Variants in C10orf53 observed in about 807,000 individuals in gnomAD.
The protein encoded by C10orf53 is UPF0728 protein C10orf53.
In C10orf53, 8 loss-of-function variants were observed where a neutral mutation model predicts 9.4. The observed-to-expected ratio is 0.85, with a 90% CI of 0.50 to 1.53. The LOEUF (loss-of-function observed/expected upper bound fraction) is 1.53. C10orf53 is among the 40% of genes most tolerant of loss of function. The pLI is 0.00. For missense variants in C10orf53, 117 were observed against 117.8 expected (o/e 0.99, Z 0.03); for synonymous variants, 48 against 46.0 (o/e 1.04, Z -0.18).
intron 1 of C10orf53, among the ~76,000 whole-genome samples, chr10:49,688,050 A>C (rs929723259): frequency 1.6e-4 from 25 of 152,204 alleles, no homozygotes; most frequent in African/African-American, 4.6e-4. Flanking sequence ...ACTTTAAATG[A>C]CATTTATATG....
chr10:49,703,662 T>C (rs1364680326), intron 2 of C10orf53, among the ~76,000 whole-genome samples: 3 of 152,176 alleles, frequency 2.0e-5, no homozygotes, highest in Non-Finnish European at 4.4e-5. Context: ...ATAAACTGAG[T>C]GCTTTAGATC....
In C10orf53 at chr10:49,695,733, C is replaced by G. The variant is rs1249164037; in HGVS notation, c.*1131C>G. On this transcript the variant is annotated 3_prime_UTR_variant, in exon 3 of 3. Transcript: ENST00000374111. ...GGATATAATTTTTAAAACCCCAGCC[C>G]AAGCTTCACTTGTCAGAGTTGATTC... The G allele has an allele frequency of 3.3e-5, 5 of 152,210 alleles. No individual in the cohort carries two copies. Among genetic ancestry groups the G allele is most frequent in the African/African-American group, 1.2e-4 (5 of 41,452 alleles). The allele number at this position is 152,210 out of a possible 1,614,324, so 9.4% of individuals were successfully genotyped here. A position where few individuals can be genotyped will look rare whatever the true frequency, so the allele number is the denominator to read the frequency against.
chr10:49,689,227 G>C (rs1486064614), intron 1 of C10orf53, among the ~76,000 whole-genome samples: 4 of 152,178 alleles, frequency 2.6e-5, no homozygotes, highest in Non-Finnish European at 5.9e-5. Context: ...GTTAAGAGGA[G>C]CAGCCTGTGG....
chr10:49,702,177 A>ACAG (rs1187936585), downstream of C10orf53, among the ~76,000 whole-genome samples: 1 of 135,484 alleles, frequency 7.4e-6, no homozygotes, highest in African/African-American at 2.6e-5. Flanking sequence ...AGCCTGGGCA[A>ACAG]CAGCGTGAGA....
At chr10:49,699,303 C>CCTGCCTCA (rs1840663434), downstream of C10orf53, among the ~76,000 whole-genome samples, 1 of 146,310 alleles carries the variant, frequency 6.8e-6, no homozygotes, top group African/African-American at 2.5e-5. Context: ...AAGCAATCCT[C>CCTGCCTCA]CTGCCTCAGC....
At chr10:49,689,176 A>G (rs920565521) in intron 1 of C10orf53, among the ~76,000 whole-genome samples, 6 of 152,176 alleles carry the variant, frequency 3.9e-5, no homozygotes, top group African/African-American at 1.4e-4. Context: ...ACAGGACTGG[A>G]GATGGCAGGA....
downstream of C10orf53, among the ~76,000 whole-genome samples, chr10:49,700,063 G>A (rs1429499099): frequency 6.6e-6 from 1 of 152,190 alleles, no homozygotes; most frequent in Non-Finnish European, 1.5e-5. Flanking sequence ...TGGTGAGTTA[G>A]CCCCTCCTCA....
At chr10:49,688,272 C>T (rs149655902) in intron 1 of C10orf53, among the ~76,000 whole-genome samples, 373 of 152,008 alleles carry the variant, frequency 2.5e-3, no homozygotes, top group Middle Eastern at 6.9e-3. Context: ...ACCTCTCACT[C>T]CTCTTTCCCT....
At chr10:49,684,217 A>T (rs1840506286) in intron 1 of C10orf53, among the ~76,000 whole-genome samples, 1 of 152,136 alleles carries the variant, frequency 6.6e-6, no homozygotes, top group Non-Finnish European at 1.5e-5. Context: ...CCATTGCTTT[A>T]TATGTCTATC....
intron 1 of C10orf53, among the ~76,000 whole-genome samples, chr10:49,692,974 A>AT (rs1840598811): frequency 6.6e-6 from 1 of 152,172 alleles, no homozygotes; most frequent in Admixed American, 6.5e-5. Flanking sequence ...GTTTCCCATA[A>AT]TCTCACCACA....
Position 49,694,645 on chromosome 10 carries a change from T to C in C10orf53, c.*43T>C. 2 of 1,612,906 alleles carry C rather than the reference T, an allele frequency of 1.2e-6. No homozygotes were observed. The highest frequency in any genetic ancestry group is 1.7e-6 in the Non-Finnish European group (2 of 1,179,760). ...CATCTCAAGTCGGCACAACAGCAGC[T>C]GCCCCAGCCATTCTATGATGCAGGC... On this transcript the variant is annotated 3_prime_UTR_variant, in exon 3 of 3. Coordinates refer to ENST00000374111, the MANE Select transcript of C10orf53 (RefSeq NM_001042427.3).
At chr10:49,679,966 G>A (rs1274499558) in intron 1 of C10orf53, among the ~76,000 whole-genome samples, 172 bp downstream of exon 1, 3 of 152,244 alleles carry the variant, frequency 2.0e-5, no homozygotes, top group Non-Finnish European at 1.5e-5. Flanking sequence ...TAAAAGAGTG[G>A]GAAGGCTCTT....
At chr10:49,709,999 G>GTA (rs1564510762) in exon 3 of C10orf53, 2 of 52,428 alleles carry the variant, frequency 3.8e-5, no homozygotes, top group African/African-American at 7.3e-5. Flanking sequence ...GTGTGTGTGT[G>GTA]TCTGTGTGTG....
intron 2 of C10orf53, among the ~76,000 whole-genome samples, chr10:49,706,070 C>A (rs1025080023): frequency 1.1e-4 from 16 of 151,858 alleles, no homozygotes; most frequent in East Asian, 1.9e-4. Flanking sequence ...TTCGCACCCA[C>A]AAAGATGGGT....
In C10orf53 at chr10:49,682,770, A is replaced by AAGTTCTCC. The variant is rs529847334; in HGVS notation, c.97+2978_97+2985dup. ...TTTACAATCCACTAGCTAGACAGAA[A>AAGTTCTCC]AGTTCTCCAAGTCCCCACCCGACCC... On this transcript the variant is annotated intron_variant, in intron 1 of 2. Coordinates refer to ENST00000374111, the MANE Select transcript of C10orf53 (RefSeq NM_001042427.3). Among the ~76,000 whole-genome samples the AAGTTCTCC allele has an allele frequency of 1.2e-4, 18 of 152,222 alleles. No individual in the cohort carries two copies. The East Asian group carries it at 2.9e-3, about 25-fold the overall frequency.
At chr10:49,689,921 A>G (rs779443089) in intron 1 of C10orf53, among the ~76,000 whole-genome samples, 10 of 152,364 alleles carry the variant, frequency 6.6e-5, no homozygotes, top group Admixed American at 2.6e-4. Flanking sequence ...ATCAAAAAAC[A>G]TATTTGTTTT....
At chr10:49,684,593 T>TAA (rs56778446) in intron 1 of C10orf53, among the ~76,000 whole-genome samples, 2 of 208 alleles carry the variant, frequency 9.6e-3, no homozygotes, top group Non-Finnish European at 0.02. Flanking sequence ...CATATATTCC[T>TAA]GTTTTGTTCT....
intron 1 of C10orf53, among the ~76,000 whole-genome samples, chr10:49,681,803 A>G (rs1040245743): frequency 6.6e-6 from 1 of 152,134 alleles, no homozygotes; most frequent in Non-Finnish European, 1.5e-5. Context: ...CACTAATCCT[A>G]TCAGATTGGG....
At chr10:49,708,465 T>A in exon 3 of C10orf53, 1 of 1,614,132 alleles carries the variant, frequency 6.2e-7, no homozygotes, top group Non-Finnish European at 8.5e-7. Flanking sequence ...TTTGCAACAG[T>A]TCCCACAAAA....
Sources: gnomAD v4.1 joint callset for allele counts (sites outside exome capture counted in the v4.1 genomes callset) on GRCh38, gnomAD v4.1.1 for gene constraint, MANE v1.5 for transcripts, NCBI Gene and HGNC (gene_info 2026-07-23, HGNC 2026-07-21) for gene names.